The following LOC128125817 variants were observed in gnomAD, a reference collection of about 807,000 sequenced individuals.
chr1:41,618,377 GA>G, the LOC128125817 span, among the ~76,000 whole-genome samples: 2 of 152,352 alleles, frequency 1.3e-5, no homozygotes, highest in South Asian at 4.1e-4. Flanking sequence ...GCTGAAAATT[GA>G]GGGCCTCAGT....
the LOC128125817 span, among the ~76,000 whole-genome samples, chr1:41,622,419 G>C: frequency 6.6e-6 from 1 of 152,158 alleles, no homozygotes; most frequent in South Asian, 2.1e-4. Flanking sequence ...TGGAGATAAC[G>C]GGAACAGGCT....
the LOC128125817 span, among the ~76,000 whole-genome samples, chr1:41,586,188 G>T: frequency 6.6e-6 from 1 of 152,218 alleles, no homozygotes; most frequent in Non-Finnish European, 1.5e-5. Context: ...GAGGAGCAAA[G>T]TTGGTCTGCA....
At chr1:41,611,786 A>G in the LOC128125817 span, among the ~76,000 whole-genome samples, 1 of 152,200 alleles carries the variant, frequency 6.6e-6, no homozygotes, top group Non-Finnish European at 1.5e-5. Flanking sequence ...GCCTGATTCC[A>G]TATCGGAAAA....
the LOC128125817 span, among the ~76,000 whole-genome samples, chr1:41,585,901 C>T: frequency 6.6e-6 from 1 of 152,148 alleles, no homozygotes; most frequent in African/African-American, 2.4e-5. Context: ...TAGTATTTCT[C>T]TCTGGCCCTG....
chr1:41,593,794 C>T, the LOC128125817 span, among the ~76,000 whole-genome samples: 45 of 152,316 alleles, frequency 3.0e-4, no homozygotes, highest in African/African-American at 1.1e-3. Context: ...TCTTATAGTT[C>T]GAGTGGTCAG....
chr1:41,602,097 T>C, the LOC128125817 span, among the ~76,000 whole-genome samples: 2 of 152,280 alleles, frequency 1.3e-5, no homozygotes, highest in African/African-American at 4.8e-5. Flanking sequence ...TAAATCCCAC[T>C]TGGTCATGGT....
At chr1:41,607,750 A>G in the LOC128125817 span, among the ~76,000 whole-genome samples, 3 of 152,356 alleles carry the variant, frequency 2.0e-5, no homozygotes, top group Admixed American at 2.0e-4. Context: ...TCCTATAACA[A>G]GGACCTAACT....
At chr1:41,610,453 A>T in the LOC128125817 span, among the ~76,000 whole-genome samples, 1 of 152,232 alleles carries the variant, frequency 6.6e-6, no homozygotes, top group African/African-American at 2.4e-5. Flanking sequence ...AGAACAAGAG[A>T]GTACTGAGGC....
chr1:41,605,372 C>T, the LOC128125817 span, among the ~76,000 whole-genome samples: 9 of 84,010 alleles, frequency 1.1e-4, no homozygotes, highest in African/African-American at 1.6e-4. Flanking sequence ...CACACGCACA[C>T]GCGCACACAC....
At chr1:41,623,136 G>A in the LOC128125817 span, among the ~76,000 whole-genome samples, 2 of 152,148 alleles carry the variant, frequency 1.3e-5, no homozygotes, top group East Asian at 1.9e-4. Flanking sequence ...AGATCCCTTC[G>A]AGCCTCCCTG....
the LOC128125817 span, among the ~76,000 whole-genome samples, chr1:41,592,551 T>C: frequency 5.9e-5 from 9 of 152,216 alleles, no homozygotes; most frequent in Non-Finnish European, 2.9e-5. Context: ...CATCTAGTGA[T>C]ACCTGCTAAT....
the LOC128125817 span, among the ~76,000 whole-genome samples, chr1:41,620,839 T>C: frequency 5.9e-5 from 9 of 152,128 alleles, no homozygotes; most frequent in Admixed American, 2.0e-4. Context: ...CCCTGATTGG[T>C]TCAACAATTA....
the LOC128125817 span, among the ~76,000 whole-genome samples, chr1:41,588,812 CA>C: frequency 6.6e-6 from 1 of 152,146 alleles, no homozygotes; most frequent in African/African-American, 2.4e-5. Context: ...GTGGCTAGCC[CA>C]AGCCACACTG....
chr1:41,604,444 T>A, the LOC128125817 span, among the ~76,000 whole-genome samples: 2 of 152,242 alleles, frequency 1.3e-5, no homozygotes, highest in African/African-American at 4.8e-5. Flanking sequence ...CGTGTGATGA[T>A]GTGAATGTGG....
the LOC128125817 span, among the ~76,000 whole-genome samples, chr1:41,627,020 C>T: frequency 3.9e-5 from 6 of 152,204 alleles, no homozygotes; most frequent in African/African-American, 7.2e-5. Context: ...GGGAAGGACT[C>T]GAACCTGTCT....
chr1:41,628,163 C>T, the LOC128125817 span, among the ~76,000 whole-genome samples: 1 of 152,226 alleles, frequency 6.6e-6, no homozygotes, highest in African/African-American at 2.4e-5. Flanking sequence ...AGCTGGGGCC[C>T]TGCTATTGAA....
the LOC128125817 span, among the ~76,000 whole-genome samples, chr1:41,594,983 A>T: frequency 6.6e-6 from 1 of 152,178 alleles, no homozygotes; most frequent in East Asian, 1.9e-4. Context: ...GCATTATTGA[A>T]TAGTCCACCT....
At chr1:41,605,202 G>GAGGAAAGGA in the LOC128125817 span, among the ~76,000 whole-genome samples, 1 of 148,500 alleles carries the variant, frequency 6.7e-6, no homozygotes, top group Non-Finnish European at 1.5e-5. Context: ...GAAGGGAAGG[G>GAGGAAAGGA]AGGAAAGGAA....
chr1:41,614,641 A>T, the LOC128125817 span, among the ~76,000 whole-genome samples: 73,651 of 152,020 alleles, frequency 0.48, 18,071 homozygotes, highest in Non-Finnish European at 0.51. Flanking sequence ...TTACAAAAAC[A>T]AAATAGGAAC....
Sources: allele counts gnomAD v4.1 joint callset (sites outside exome capture counted in the v4.1 genomes callset), GRCh38; gene constraint gnomAD v4.1.1; transcripts MANE v1.5.